CMIP: variants seen among roughly 807,000 people sequenced by gnomAD.
CMIP encodes the protein c-Maf inducing protein, also known as C-Maf-inducing protein.
CMIP carries 13 observed loss-of-function variants against 97.3 expected under a neutral mutation model. That is an observed-to-expected ratio of 0.13 (90% confidence interval 0.09 to 0.21). CMIP has a LOEUF of 0.21. Ranked by LOEUF, CMIP falls within the 10% of genes least tolerant of loss-of-function variation. The pLI, the probability that CMIP is intolerant of heterozygous loss-of-function variation, is 1.00. For missense variants in CMIP, 847 were observed against 1,024.9 expected (o/e 0.83, Z 2.37); for synonymous variants, 538 against 436.3 (o/e 1.23, Z -2.91).
intron 1 of CMIP, among the ~76,000 whole-genome samples, chr16:81,585,096 C>G (rs2091360007): frequency 6.6e-6 from 1 of 152,150 alleles, no homozygotes; most frequent in Non-Finnish European, 1.5e-5. Context: ...AATCCCAGCA[C>G]TTTGGGAGGC....
chr16:81,511,152 C>G (rs1244447305), intron 1 of CMIP, among the ~76,000 whole-genome samples: 4 of 152,194 alleles, frequency 2.6e-5, no homozygotes, highest in Non-Finnish European at 5.9e-5. Flanking sequence ...GTATGCTTCC[C>G]TCTCTCCCAG....
chr16:81,560,420 G>A lies in CMIP; in HGVS notation c.301-47147G>A, dbSNP rs371833985. On this transcript the variant is annotated intron_variant, in intron 1 of 20. Transcript: ENST00000537098. ...TTTTTCATAGAGATGGGGTTTCACCGTGTTAGCCAGGATGGTCTTGATCTC... is the reference window on the plus strand; with the variant it reads ...TTTTTCATAGAGATGGGGTTTCACCATGTTAGCCAGGATGGTCTTGATCTC... Among the ~76,000 whole-genome samples, 37 of 152,094 alleles carry A rather than the reference G, an allele frequency of 2.4e-4. No homozygotes were observed. In the South Asian group the frequency reaches 5.2e-3, roughly 21 times the overall value.
intron 3 of CMIP, among the ~76,000 whole-genome samples, chr16:81,626,183 T>TGGGGTGTGTGAGTGTGAGAG (rs1371328360): frequency 2.6e-5 from 4 of 151,960 alleles, no homozygotes; most frequent in Admixed American, 2.0e-4. Context: ...GAAAAGAATG[T>TGGGGTGTGTGAGTGTGAGAG]GGGGTGTGTG....
At position 81,701,531 on chromosome 16, in the gene CMIP, C is replaced by A; in HGVS notation, c.1756-129C>A. 4 of 1,319,294 alleles carry A rather than the reference C, an allele frequency of 3.0e-6. No homozygotes were observed. In the South Asian group the frequency reaches 5.1e-5, roughly 17 times the overall value. The allele number at this position is 1,319,294 out of a possible 1,614,324, so 81.7% of individuals were successfully genotyped here. ...TGGGCAGGTGATTTGCCCAGGCTTA[C>A]ACAGCCGGGGCTGCAGAAAGGGGAT... is the stretch of plus-strand genomic sequence containing the variant. On this transcript the variant is annotated intron_variant, in intron 15 of 20. Coordinates refer to ENST00000537098, the MANE Select transcript of CMIP (RefSeq NM_198390.3).
At chr16:81,588,623 G>A (rs2091420094) in intron 1 of CMIP, among the ~76,000 whole-genome samples, 2 of 152,008 alleles carry the variant, frequency 1.3e-5, no homozygotes, top group Non-Finnish European at 2.9e-5. Context: ...CTCGTTCTCT[G>A]TTATCTGCTT....
intron 10 of CMIP, 191 bp from the exon 11 acceptor site, chr16:81,691,584 G>A (rs555934094): frequency 6.4e-6 from 4 of 625,704 alleles, no homozygotes; most frequent in South Asian, 5.6e-5. Flanking sequence ...CACAGGCCCA[G>A]TTGTGAGTCC....
intron 14 of CMIP, 154 bp downstream of exon 14, chr16:81,696,821 T>G (rs1597264163): frequency 2.9e-6 from 2 of 682,268 alleles, no homozygotes; most frequent in East Asian, 5.5e-5. Flanking sequence ...GTGGTGGTGG[T>G]GATGGTGACC....
At chr16:81,623,071 G>A (rs1191691013) in intron 3 of CMIP, among the ~76,000 whole-genome samples, 2 of 152,230 alleles carry the variant, frequency 1.3e-5, no homozygotes, top group African/African-American at 2.4e-5. Context: ...GGGCGTAGTG[G>A]TGCGCCCATG....
At chr16:81,593,138 G>A (rs1198567924) in intron 1 of CMIP, among the ~76,000 whole-genome samples, 4 of 152,192 alleles carry the variant, frequency 2.6e-5, no homozygotes, top group Admixed American at 1.3e-4. Context: ...AGCTGGTTTC[G>A]TGATTAATGA....
intron 14 of CMIP, chr16:81,696,897 C>T (rs145460639): frequency 3.4e-6 from 2 of 580,658 alleles, no homozygotes; most frequent in African/African-American, 3.8e-5. Context: ...CCCAGTTGCA[C>T]TCAGCTCTCA....
intron 1 of CMIP, among the ~76,000 whole-genome samples, chr16:81,524,613 T>C (rs558040446): frequency 2.4e-4 from 37 of 152,264 alleles, no homozygotes; most frequent in Middle Eastern, 3.4e-3. Flanking sequence ...GATGCCGAAA[T>C]TGAGGTCAGA....
At chr16:81,703,217 G>C (rs1179358003) in intron 17 of CMIP, among the ~76,000 whole-genome samples, 1 of 152,058 alleles carries the variant, frequency 6.6e-6, no homozygotes. Context: ...AGTTCTACTT[G>C]ACATGTCTAC....
chr16:81,585,366 A>G (rs1233351621), intron 1 of CMIP, among the ~76,000 whole-genome samples: 1 of 152,134 alleles, frequency 6.6e-6, no homozygotes, highest in Non-Finnish European at 1.5e-5. Flanking sequence ...TAAATGTACC[A>G]TTTGGTGGCA....
At chr16:81,502,760 C>T (rs1409944933) in intron 1 of CMIP, among the ~76,000 whole-genome samples, 1 of 152,178 alleles carries the variant, frequency 6.6e-6, no homozygotes, top group African/African-American at 2.4e-5. Flanking sequence ...TTCTGATTAC[C>T]TATTGTTTGA....
At chr16:81,578,542 G>T (rs147088352) in intron 1 of CMIP, among the ~76,000 whole-genome samples, 1 of 152,162 alleles carries the variant, frequency 6.6e-6, no homozygotes, top group East Asian at 1.9e-4. Context: ...TCTCATCTCG[G>T]AGCTCACATT....
chr16:81,522,183 G>A (rs773407336), intron 1 of CMIP, among the ~76,000 whole-genome samples: 7 of 152,242 alleles, frequency 4.6e-5, no homozygotes, highest in African/African-American at 7.2e-5. Flanking sequence ...ACACCGATTC[G>A]CCCACGATGA....
At chr16:81,482,743 G>A (rs1288519801) in intron 1 of CMIP, among the ~76,000 whole-genome samples, 1 of 152,302 alleles carries the variant, frequency 6.6e-6, no homozygotes, top group Admixed American at 6.5e-5. Context: ...TGACAAACCC[G>A]GGCTTCGGAG....
chr16:81,591,905 C>G (rs12716917), intron 1 of CMIP, among the ~76,000 whole-genome samples: 1 of 150,476 alleles, frequency 6.6e-6, no homozygotes, highest in African/African-American at 2.5e-5. Context: ...GCTCACTGCA[C>G]CCTCCACCTC....
chr16:81,566,009 G>A (rs551012662), intron 1 of CMIP, among the ~76,000 whole-genome samples: 2 of 152,296 alleles, frequency 1.3e-5, no homozygotes, highest in South Asian at 4.1e-4. Flanking sequence ...CGAGAAACTC[G>A]GGAGGCCGAG....
Sources: gnomAD v4.1 joint callset for allele counts (sites outside exome capture counted in the v4.1 genomes callset) on GRCh38, gnomAD v4.1.1 for gene constraint, MANE v1.5 for transcripts, NCBI Gene and HGNC (gene_info 2026-07-23, HGNC 2026-07-21) for gene names.